The following CES1 variants were observed in gnomAD, a reference collection of about 807,000 sequenced individuals.
The protein encoded by CES1 is liver carboxylesterase 1.
CES1 carries 50 observed loss-of-function variants against 53.0 expected under a neutral mutation model. The observed-to-expected ratio is 0.94, with a 90% confidence interval of 0.75 to 1.19. The LOEUF is 1.19. Ranked by LOEUF, CES1 falls within the 50% of genes most tolerant of loss-of-function variation. CES1 has a pLI of 0.00. For missense variants in CES1, 534 were observed against 538.0 expected, an observed-to-expected ratio of 0.99 and a Z score of 0.07; for synonymous variants, 202 against 210.1, an observed-to-expected ratio of 0.96 and a Z score of 0.33.
rs373547343 is a variant in CES1, at chr16:55,828,791, T to C, written c.236A>G (p.Lys79Arg). 116 of 1,614,152 alleles carry C rather than the reference T, an allele frequency of 7.2e-5. No individual in the cohort carries two copies. The highest frequency in any genetic ancestry group is 9.1e-5 in the Non-Finnish European group (107 of 1,180,040). The change falls in exon 2 of 14, where the codon AAG becomes AGG. Residue 79 changes from lysine to arginine, a missense_variant. Lys to Arg is a conservative substitution (Grantham distance 26). Transcript: ENST00000360526. ...PQPAEPWSFV[K>R]NATSYPPMCT... ...CATAGGAGGGTACGAGGTGGCATTCTTCACAAAGCTCCATGGTTCTGCAGG... is the reference window on the plus strand; with the variant it reads ...CATAGGAGGGTACGAGGTGGCATTCCTCACAAAGCTCCATGGTTCTGCAGG...
chr16:55,831,573 T>C (rs1244538109), intron 1 of CES1, among the ~76,000 whole-genome samples: 1 of 150,550 alleles, frequency 6.6e-6, no homozygotes, highest in East Asian at 1.9e-4. Flanking sequence ...GGCATCAACA[T>C]GCCCATTTTA....
intron 10 of CES1, 65 bp downstream of exon 10, chr16:55,810,862 T>C: frequency 6.7e-7 from 1 of 1,484,546 alleles, no homozygotes; most frequent in Non-Finnish European, 9.4e-7. Flanking sequence ...AATTGCTCTA[T>C]GATTTGGGCA....
Position 55,821,482 on chromosome 16 carries a change from C to G in CES1, c.579G>C (p.Leu193=). ...DEHSRGNWGH[L]DQVAALRWVQ... is the part of the protein sequence containing the mutation. ...CCCAGCGCAGGGCAGCCACCTGGTC[C>G]AGGTGACCCCAGTTCCCCCGGCTGT... Residue 193 remains leucine (L), a synonymous_variant, in exon 5 of 14, where the codon CTG becomes CTC. Coordinates refer to ENST00000360526, the MANE Select transcript of CES1 (RefSeq NM_001025195.2). The G allele has an allele frequency of 6.2e-7, 1 of 1,614,202 alleles. No individual in the cohort carries two copies. Among genetic ancestry groups the G allele is most frequent in the Non-Finnish European group, 8.5e-7 (1 of 1,180,044 alleles).
At chr16:55,826,693 T>G (rs1820678139) in intron 2 of CES1, among the ~76,000 whole-genome samples, 3 of 152,192 alleles carry the variant, frequency 2.0e-5, no homozygotes, top group African/African-American at 7.2e-5. Flanking sequence ...TGGGGTGACC[T>G]TGGGTGAATT....
chr16:55,809,092 G>GGAAAAAAAAAA (rs1567490315), intron 11 of CES1, among the ~76,000 whole-genome samples: 1 of 8,396 alleles, frequency 1.2e-4, no homozygotes, highest in Non-Finnish European at 2.9e-4. Flanking sequence ...TGTAGTCCTG[G>GGAAAAAAAAAA]CAAAAAAAAA....
chr16:55,810,509 G>T lies in CES1; in HGVS notation c.1318+8C>A. Reference sequence around the variant, plus strand: ...TTGTGTCCCTCCCGTTCGACCTCTGGGACTCACCTCTGTGGTTCCGGGCCA... The same window carrying T: ...TTGTGTCCCTCCCGTTCGACCTCTGTGACTCACCTCTGTGGTTCCGGGCCA... On this transcript the variant is annotated splice_region_variant and intron_variant, in intron 11 of 13. Transcript: ENST00000360526. 6.2e-7 allele frequency: 1 copy of T among 1,613,974 alleles called. No individual in the cohort carries two copies. Among genetic ancestry groups the T allele is most frequent in the Non-Finnish European group, 8.5e-7 (1 of 1,180,008 alleles).
rs1210714006 is a variant in CES1 at position 55,812,889 on chromosome 16, A to G, written c.1086+14T>C. 4.3e-6 allele frequency: 7 copies of G among 1,613,828 alleles called. No homozygotes were observed. The highest frequency in any genetic ancestry group is 1.7e-5 in the Admixed American group (1 of 60,006). On this transcript the variant is annotated intron_variant, in intron 9 of 13. Coordinates refer to ENST00000360526, the MANE Select transcript of CES1 (RefSeq NM_001025195.2). ...GGGTGGTTGAGTCCCTCCAACAGAC[A>G]TGTGCCTTCTCACCATTGGAATCAA...
intron 5 of CES1, 146 bp downstream of exon 5, chr16:55,821,222 C>G: frequency 9.2e-7 from 1 of 1,084,606 alleles, no homozygotes; most frequent in Admixed American, 2.1e-5. Context: ...TAGCTTTCTA[C>G]CCCCTGATGC....
At chr16:55,813,173 G>T in intron 8 of CES1, 130 bp from the exon 9 acceptor site, 1 of 1,295,304 alleles carries the variant, frequency 7.7e-7, no homozygotes, top group Non-Finnish European at 1.1e-6. Context: ...CACATGCTCA[G>T]GATCCTAACT....
chr16:55,825,959 C>T (rs1448797865), intron 3 of CES1, among the ~76,000 whole-genome samples, 192 bp downstream of exon 3: 1 of 152,206 alleles, frequency 6.6e-6, no homozygotes, highest in Non-Finnish European at 1.5e-5. Context: ...CAAACTCCCC[C>T]AGAGTGCCTA....
chr16:55,819,116 AACTGGACCACC>A (rs1359197671), intron 7 of CES1, among the ~76,000 whole-genome samples: 3 of 152,242 alleles, frequency 2.0e-5, no homozygotes, highest in Non-Finnish European at 4.4e-5. Flanking sequence ...AAATCTAGAA[AACTGGACCACC>A]ACTAGGTCTA....
At position 55,828,826 on chromosome 16, in the gene CES1, A is replaced by G; in HGVS notation, c.201T>C (p.Thr67=). 6.2e-7 allele frequency: 1 copy of G among 1,614,306 alleles called. No individual in the cohort carries two copies. Among genetic ancestry groups the G allele is most frequent in the Non-Finnish European group, 8.5e-7 (1 of 1,180,052 alleles). ...AKPPLGPLRF[T]PPQPAEPWSF... ...TCCATGGTTCTGCAGGCTGCGGTGG[A>G]GTAAACCTCAGGGGTCCAAGAGGCG... Residue 67 remains threonine (T), a synonymous_variant, in exon 2 of 14, where the codon ACT becomes ACC. Transcript: ENST00000360526.
chr16:55,830,819 A>AGGCAGGCAGGCAGGCAGGC (rs1555514162), intron 1 of CES1, among the ~76,000 whole-genome samples: 48 of 127,354 alleles, frequency 3.8e-4, no homozygotes, highest in African/African-American at 1.6e-3. Context: ...GGAAGGAAGG[A>AGGCAGGCAGGCAGGCAGGC]AGGCAGGCAG....
intron 8 of CES1, among the ~76,000 whole-genome samples, chr16:55,816,029 C>G (rs774531684): frequency 6.6e-6 from 1 of 151,654 alleles, no homozygotes; most frequent in African/African-American, 2.4e-5. Flanking sequence ...CTGGAATAGG[C>G]TTCTCCAGGT....
Position 55,829,124 on chromosome 16 carries a change from C to T in CES1, c.53-150G>A, listed in dbSNP as rs3729504. The T allele has an allele frequency of 5.1e-5, 41 of 803,970 alleles. No homozygotes were observed. The East Asian group carries it at 5.5e-4, about 11-fold the overall frequency. The allele number at this position is 803,970 out of a possible 1,614,324, so 49.8% of individuals were successfully genotyped here. ...TTCTCTTGATGTACAATAGGGATGA[C>T]GATCAATGTCCTCCCTAACCCATTG... On this transcript the variant is annotated intron_variant, in intron 1 of 13. Coordinates refer to ENST00000360526, the MANE Select transcript of CES1 (RefSeq NM_001025195.2).
rs1390838148 is a variant in CES1, at chr16:55,817,075, T to C, written c.907-113A>G. ...CTTCCCGCATCACTCCGTGAATTCG[T>C]ATATCTATATGTGACCTGCGGTGCT... On this transcript the variant is annotated intron_variant, in intron 7 of 13. Transcript: ENST00000360526. 2.5e-5 allele frequency: 29 copies of C among 1,142,792 alleles called. No homozygotes were observed. The East Asian group carries it at 5.3e-4, about 21-fold the overall frequency. 70.8% of individuals were successfully genotyped at this position (1,142,792 alleles called of 1,614,324 possible). A position where few individuals can be genotyped will look rare whatever the true frequency, so the allele number is the denominator to read the frequency against.
intron 11 of CES1, among the ~76,000 whole-genome samples, chr16:55,808,759 C>G (rs1267909366): frequency 1.3e-5 from 2 of 152,104 alleles, no homozygotes; most frequent in African/African-American, 4.8e-5. Context: ...GTCTATTTAA[C>G]ACAGCCATTT....
At chr16:55,815,547 C>A (rs1427085007) in intron 8 of CES1, among the ~76,000 whole-genome samples, 1 of 152,202 alleles carries the variant, frequency 6.6e-6, no homozygotes, top group African/African-American at 2.4e-5. Flanking sequence ...GTGGGCACAA[C>A]CTTGTTGTGT....
At chr16:55,830,887 A>G (rs1353302110) in intron 1 of CES1, among the ~76,000 whole-genome samples, 1 of 152,018 alleles carries the variant, frequency 6.6e-6, no homozygotes, top group African/African-American at 2.4e-5. Flanking sequence ...AAGAAAGGAA[A>G]AGAAAAGACT....
Sources: gnomAD v4.1 joint callset for allele counts (sites outside exome capture counted in the v4.1 genomes callset) on GRCh38, gnomAD v4.1.1 for gene constraint, MANE v1.5 for transcripts, NCBI Gene and HGNC (gene_info 2026-07-23, HGNC 2026-07-21) for gene names.